MYO1D: variants seen among roughly 807,000 people sequenced by gnomAD.
MYO1D encodes the protein unconventional myosin-Id.
Under a neutral mutation model 122.0 loss-of-function variants are expected in MYO1D, and 83 were observed. The observed-to-expected ratio is 0.68, with a 90% CI of 0.57 to 0.82. The LOEUF (loss-of-function observed/expected upper bound fraction) is 0.82, where lower values mean the gene tolerates loss of function less well. Ranked by LOEUF, MYO1D falls within the 40% of genes least tolerant of loss-of-function variation. The probability of loss-of-function intolerance (pLI) is 0.00; values close to 1 mark genes in which losing one functional copy is unlikely to be tolerated. For missense variants in MYO1D, 1,157 were observed against 1,269.5 expected, an observed-to-expected ratio of 0.91 and a Z score of 1.35; for synonymous variants, 464 against 446.9, an observed-to-expected ratio of 1.04 and a Z score of -0.48.
chr17:32,726,557 T>C (rs960594792), intron 14 of MYO1D, among the ~76,000 whole-genome samples: 6 of 150,148 alleles, frequency 4.0e-5, no homozygotes, highest in Non-Finnish European at 5.9e-5. Flanking sequence ...TAGATGTAAA[T>C]TACAATCTAA....
intron 20 of MYO1D, among the ~76,000 whole-genome samples, chr17:32,636,641 G>T (rs1326879026): frequency 6.6e-6 from 1 of 152,248 alleles, no homozygotes; most frequent in Admixed American, 6.5e-5. Flanking sequence ...TGGCAAGGAA[G>T]TGGGGAGAGA....
chr17:32,803,813 A>G (rs530852083), intron 1 of MYO1D, among the ~76,000 whole-genome samples: 23 of 152,380 alleles, frequency 1.5e-4, no homozygotes, highest in African/African-American at 5.0e-4. Context: ...TCTGCAAAGC[A>G]GAGCTTTTAA....
At chr17:32,673,331 T>C (rs2088751950) in intron 16 of MYO1D, among the ~76,000 whole-genome samples, 1 of 151,926 alleles carries the variant, frequency 6.6e-6, no homozygotes, top group Non-Finnish European at 1.5e-5. Context: ...CCTGAACTCT[T>C]GAGCTCAGGC....
intron 16 of MYO1D, among the ~76,000 whole-genome samples, chr17:32,662,344 T>C (rs1376543636): frequency 6.6e-6 from 1 of 152,216 alleles, no homozygotes; most frequent in Non-Finnish European, 1.5e-5. Flanking sequence ...AGCTCTGGAC[T>C]CAGACTGCCT....
At chr17:32,568,648 T>C (rs923567797) in intron 21 of MYO1D, among the ~76,000 whole-genome samples, 3 of 152,220 alleles carry the variant, frequency 2.0e-5, no homozygotes, top group Non-Finnish European at 4.4e-5. Context: ...CTTGGGAAAC[T>C]GGGATCTGTG....
At chr17:32,571,879 T>A (rs78946813) in intron 21 of MYO1D, among the ~76,000 whole-genome samples, 2 of 152,216 alleles carry the variant, frequency 1.3e-5, no homozygotes, top group East Asian at 3.9e-4. Context: ...GCTGGTTCTT[T>A]TGTGCTTGCT....
At position 32,654,515 on chromosome 17, in the gene MYO1D, C is replaced by T. The variant is rs760264227; in HGVS notation, c.2452G>A (p.Gly818Arg). The T allele has an allele frequency of 1.2e-6, 2 of 1,613,876 alleles. No individual in the cohort carries two copies. The highest frequency in any genetic ancestry group is 1.3e-5 in the African/African-American group (1 of 74,910). ...TTGCCCTCCCAGGCCCTCTGGAGCC[C>T]GAGGTCAGCCCTTTGACCCTTCAAC... ...EMLKGQRADL[G>R]LQRAWEGNYL... The change falls in exon 18 of 22, where the codon GGG becomes AGG. Residue 818 changes from glycine (G) to arginine (R), a missense_variant. Transcript: ENST00000318217.
chr17:32,596,611 C>A (rs995533330), intron 21 of MYO1D, among the ~76,000 whole-genome samples: 1 of 152,190 alleles, frequency 6.6e-6, no homozygotes, highest in Non-Finnish European at 1.5e-5. Context: ...TCAGTTAAAT[C>A]CAGTAACAGT....
At position 32,659,330 on chromosome 17, in the gene MYO1D, C is replaced by A. The variant is rs1385483677; in HGVS notation, c.2130G>T (p.Arg710=). Residue 710 remains arginine, a synonymous_variant, in exon 17 of 22, where the codon CGG becomes CGT. Coordinates refer to ENST00000318217, the MANE Select transcript of MYO1D (RefSeq NM_015194.3). ...RIVLFLQKVW[R]GTLARMRYKR... Reference sequence around the variant, plus strand: ...TGTACCGCATGCGGGCCAGGGTGCCCCGCCACACCTTCACAATAGAGAAAG... The same window carrying A: ...TGTACCGCATGCGGGCCAGGGTGCCACGCCACACCTTCACAATAGAGAAAG... 1 of 1,614,026 alleles carries A rather than the reference C, an allele frequency of 6.2e-7. No individual in the cohort carries two copies. Among genetic ancestry groups the A allele is most frequent in the Non-Finnish European group, 8.5e-7 (1 of 1,179,984 alleles).
Position 32,638,815 on chromosome 17 carries a change from C to T in MYO1D, c.2616G>A (p.Val872=). Residue 872 remains valine, a synonymous_variant, in exon 20 of 22, where the codon GTG becomes GTA. Transcript: ENST00000318217. Reference sequence around the variant, plus strand: ...CAGTGACAAAAATTGCTCTGTCTTCCACCTTACTAAATCGATTTACCTGTA... The same window carrying T: ...CAGTGACAAAAATTGCTCTGTCTTCTACCTTACTAAATCGATTTACCTGTA... ...HVRKVNRFSK[V]EDRAIFVTDR... 1 of 1,613,394 alleles carries T rather than the reference C, an allele frequency of 6.2e-7. No homozygotes were observed. The highest frequency in any genetic ancestry group is 8.5e-7 in the Non-Finnish European group (1 of 1,179,452).
At chr17:32,502,664 G>A (rs1331658547) in intron 21 of MYO1D, among the ~76,000 whole-genome samples, 2 of 152,116 alleles carry the variant, frequency 1.3e-5, no homozygotes, top group Non-Finnish European at 2.9e-5. Flanking sequence ...ATAATTTTAA[G>A]ACTAATAAGA....
At position 32,729,264 on chromosome 17, in the gene MYO1D, T is replaced by C. The variant is rs2089609858; in HGVS notation, c.1747-8075A>G. Among the ~76,000 whole-genome samples, 3 of 152,338 alleles carry C rather than the reference T, an allele frequency of 2.0e-5. No individual in the cohort carries two copies. In the South Asian group the frequency reaches 6.2e-4, roughly 32 times the overall value. On this transcript the variant is annotated intron_variant, in intron 14 of 21. Transcript: ENST00000318217. ...CTAAATATACCTCTATTTAACTTGC[T>C]TTGAACACTGTCAAATAGTCATAGC...
chr17:32,514,239 CAAAAAAAAAAAAAA>C (rs61570449), intron 21 of MYO1D, among the ~76,000 whole-genome samples: 2 of 60,284 alleles, frequency 3.3e-5, no homozygotes, highest in Non-Finnish European at 6.1e-5. Context: ...GACTTTGTCT[CAAAAAAAAAAAAAA>C]AAAAAAAAAA....
chr17:32,767,122 A>C (rs1358229331), intron 7 of MYO1D, among the ~76,000 whole-genome samples: 1 of 152,230 alleles, frequency 6.6e-6, no homozygotes, highest in Non-Finnish European at 1.5e-5. Context: ...AAAGAAATCT[A>C]ACACACAGTT....
At chr17:32,582,239 G>C (rs1372485752) in intron 21 of MYO1D, among the ~76,000 whole-genome samples, 2 of 152,150 alleles carry the variant, frequency 1.3e-5, no homozygotes, top group Admixed American at 1.3e-4. Flanking sequence ...TGACATAAAA[G>C]CTGAGGGCAT....
chr17:32,680,726 T>C (rs1270323878), intron 16 of MYO1D, among the ~76,000 whole-genome samples: 2 of 152,102 alleles, frequency 1.3e-5, no homozygotes, highest in Non-Finnish European at 2.9e-5. Flanking sequence ...AATTCTCTTT[T>C]TTGGTTGTGT....
chr17:32,849,198 C>T (rs111857063), intron 1 of MYO1D, among the ~76,000 whole-genome samples: 3 of 150,316 alleles, frequency 2.0e-5, no homozygotes, highest in Admixed American at 1.3e-4. Context: ...GAAATAGGAA[C>T]ACTTTTACAC....
At chr17:32,695,488 T>C (rs1314554796) in intron 16 of MYO1D, among the ~76,000 whole-genome samples, 2 of 152,246 alleles carry the variant, frequency 1.3e-5, no homozygotes, top group African/African-American at 4.8e-5. Context: ...TGACTTCTAA[T>C]GTTTCCTTGA....
intron 4 of MYO1D, among the ~76,000 whole-genome samples, chr17:32,773,395 G>A (rs2090140114): frequency 1.3e-5 from 2 of 152,130 alleles, no homozygotes; most frequent in African/African-American, 4.8e-5. Context: ...TTTAATCACT[G>A]CAGGGACGCC....
Sources: allele counts gnomAD v4.1 joint callset (sites outside exome capture counted in the v4.1 genomes callset), GRCh38; gene constraint gnomAD v4.1.1; transcripts MANE v1.5; gene names NCBI Gene and HGNC (gene_info 2026-07-23, HGNC 2026-07-21).